RNASET2: variants seen among roughly 807,000 people sequenced by gnomAD.
The protein encoded by RNASET2 is ribonuclease 6.
RNASET2 carries 28 observed loss-of-function variants against 33.9 expected under a neutral mutation model. That is an observed-to-expected ratio of 0.83 (90% CI 0.61 to 1.13). The LOEUF (loss-of-function observed/expected upper bound fraction) is 1.13, where lower values mean the gene tolerates loss of function less well. RNASET2 is among the 50% of genes most tolerant of loss of function. The pLI is 0.00. For synonymous variants in RNASET2, 123 were observed against 121.0 expected, an observed-to-expected ratio of 1.02 and a Z score of -0.11; for missense variants, 330 against 319.9, an observed-to-expected ratio of 1.03 and a Z score of -0.24.
At position 166,924,528 on chromosome 6, in the gene RNASET2, GT is replaced by G. The variant is rs1405282018; in HGVS notation, c.*5059del. Among the ~76,000 whole-genome samples the G allele has an allele frequency of 6.6e-6, 1 of 152,232 alleles. No homozygotes were observed. The highest frequency in any genetic ancestry group is 2.4e-5 in the African/African-American group (1 of 41,458). ...TGGACAAAGTCCGGGCCTTTGTAGT[GT>G]GACGTGGCCATTAGGGCCCACAGAT... On this transcript the variant is annotated 3_prime_UTR_variant, in exon 9 of 9. Coordinates refer to ENST00000508775, the MANE Select transcript of RNASET2 (RefSeq NM_003730.6).
In RNASET2 at chr6:166,926,801, A is replaced by C. The variant is rs2128643053; in HGVS notation, c.*2787T>G. Reference sequence around the variant, plus strand: ...GCTTTTACCTATGGTGTCTTTTTCCACCATAAGTTCCACTCATCCCTGTGG... The same window carrying C: ...GCTTTTACCTATGGTGTCTTTTTCCCCCATAAGTTCCACTCATCCCTGTGG... On this transcript the variant is annotated 3_prime_UTR_variant, in exon 9 of 9. Coordinates refer to ENST00000508775, the MANE Select transcript of RNASET2 (RefSeq NM_003730.6). 6.6e-6 allele frequency among the ~76,000 whole-genome samples: 1 copy of C among 152,194 alleles called. No individual in the cohort carries two copies. The highest frequency in any genetic ancestry group is 1.9e-4 in the East Asian group (1 of 5,178).
In RNASET2 at chr6:166,927,830, G is replaced by A. The variant is rs1002644600; in HGVS notation, c.*1758C>T. The stretch of plus-strand genomic sequence containing the variant: ...ACGCAGAGCAAATGCAGGAAATCAC[G>A]CCCTTCCAGGTGCAAAACAAATCAG... On this transcript the variant is annotated 3_prime_UTR_variant, in exon 9 of 9. Transcript: ENST00000508775. Among the ~76,000 whole-genome samples, 3 of 150,360 alleles carry A rather than the reference G, an allele frequency of 2.0e-5. No homozygotes were observed. Among genetic ancestry groups the A allele is most frequent in the Admixed American group, 2.0e-4 (3 of 15,092 alleles).
chr6:166,952,063 G>C (rs1461369002), intron 2 of RNASET2, among the ~76,000 whole-genome samples: 1 of 152,232 alleles, frequency 6.6e-6, no homozygotes, highest in Admixed American at 6.5e-5. Context: ...GAGACAGAGA[G>C]ACACAAAGTG....
intron 8 of RNASET2, among the ~76,000 whole-genome samples, chr6:166,930,384 C>T (rs1475990212): frequency 6.6e-6 from 1 of 152,060 alleles, no homozygotes; most frequent in African/African-American, 2.4e-5. Context: ...CACACATACA[C>T]ACAGTACATG....
chr6:166,948,198 T>C (rs575114884), intron 3 of RNASET2, among the ~76,000 whole-genome samples: 2 of 152,000 alleles, frequency 1.3e-5, no homozygotes, highest in South Asian at 2.1e-4. Flanking sequence ...ATACAAAAAA[T>C]AGCCGGGTGT....
In RNASET2 at chr6:166,929,798, G is replaced by C. The variant is rs1244323618; in HGVS notation, c.568-7C>G. ...TTGTCTGTACTTCCTCATCCTAAAA[G>C]TAAACAATGAAAGACGCTTTAGAAT... is the stretch of plus-strand genomic sequence containing the variant. On this transcript the variant is annotated splice_polypyrimidine_tract_variant and splice_region_variant and intron_variant, in intron 8 of 8. Coordinates refer to ENST00000508775, the MANE Select transcript of RNASET2 (RefSeq NM_003730.6). The C allele has an allele frequency of 6.2e-7, 1 of 1,611,884 alleles. No homozygotes were observed. Among genetic ancestry groups the C allele is most frequent in the East Asian group, 2.2e-5 (1 of 44,894 alleles).
chr6:166,948,610 AGTC>A lies in RNASET2; in HGVS notation c.160_162del (p.Asp54del). 6.3e-7 allele frequency: 1 copy of A among 1,596,530 alleles called. No homozygotes were observed. The highest frequency in any genetic ancestry group is 8.6e-7 in the Non-Finnish European group (1 of 1,165,036). Reference sequence around the variant, plus strand: ...GTCCAGTAATCCGGAGGGTCTCTACAGTCGTTTTGAATTTTCTAGGGAGAAAAT... The same window carrying A: ...GTCCAGTAATCCGGAGGGTCTCTACAGTTTTGAATTTTCTAGGGAGAAAAT... On this transcript the variant is annotated inframe_deletion, in exon 3 of 9. Coordinates refer to ENST00000508775, the MANE Select transcript of RNASET2 (RefSeq NM_003730.6).
chr6:166,951,300 G>C (rs1268757063), intron 2 of RNASET2, among the ~76,000 whole-genome samples: 1 of 152,272 alleles, frequency 6.6e-6, no homozygotes, highest in Admixed American at 6.5e-5. Context: ...ACATGAAAGT[G>C]AAACAGCAGT....
At position 166,922,229 on chromosome 6, in the gene RNASET2, G is replaced by C. The variant is rs1778247029; in HGVS notation, c.*7359C>G. 6.6e-6 allele frequency among the ~76,000 whole-genome samples: 1 copy of C among 152,156 alleles called. No homozygotes were observed. On this transcript the variant is annotated 3_prime_UTR_variant, in exon 9 of 9. Coordinates refer to ENST00000508775, the MANE Select transcript of RNASET2 (RefSeq NM_003730.6). ...TGGGGACATTATTATAAATGTGAAA[G>C]AAGTATCTATAAATGTGATTATGGA...
At chr6:166,951,246 C>G (rs1333957840) in intron 2 of RNASET2, among the ~76,000 whole-genome samples, 1 of 152,248 alleles carries the variant, frequency 6.6e-6, no homozygotes, top group Non-Finnish European at 1.5e-5. Flanking sequence ...TTCACTAATT[C>G]TGCTACTGCT....
chr6:166,943,394 A>G (rs1476601763), intron 4 of RNASET2: 7 of 362,640 alleles, frequency 1.9e-5, no homozygotes, highest in Non-Finnish European at 2.7e-5. Flanking sequence ...GAGTCATGAA[A>G]AGACACTGGA....
chr6:166,955,119 A>G (rs1205664302), intron 1 of RNASET2, among the ~76,000 whole-genome samples: 1 of 152,216 alleles, frequency 6.6e-6, no homozygotes, highest in African/African-American at 2.4e-5. Context: ...CCACAGAATT[A>G]AAGTTGGAGT....
chr6:166,926,185 T>C lies in RNASET2; in HGVS notation c.*3403A>G, dbSNP rs28703007. ...TCCAGTTCACTTTGAGGTTTCTACC[T>C]GGAATAAGCGGATGGTGATGTCATT... On this transcript the variant is annotated 3_prime_UTR_variant, in exon 9 of 9. Coordinates refer to ENST00000508775, the MANE Select transcript of RNASET2 (RefSeq NM_003730.6). Among the ~76,000 whole-genome samples the C allele has an allele frequency of 6.6e-6, 1 of 152,094 alleles. No individual in the cohort carries two copies. The highest frequency in any genetic ancestry group is 2.4e-5 in the African/African-American group (1 of 41,416).
intron 2 of RNASET2, among the ~76,000 whole-genome samples, chr6:166,949,617 A>T (rs1285031349): frequency 6.6e-6 from 1 of 151,540 alleles, no homozygotes; most frequent in African/African-American, 2.4e-5. Context: ...AGTAGAACAG[A>T]AAGTCCTTAC....
chr6:166,955,225 A>ACG (rs1275965128), intron 1 of RNASET2, among the ~76,000 whole-genome samples: 6 of 48,612 alleles, frequency 1.2e-4, no homozygotes, highest in East Asian at 1.4e-3. Context: ...ACACACGCGC[A>ACG]CACACGCACG....
Position 166,929,659 on chromosome 6 carries a change from C to T in RNASET2, c.700G>A (p.Glu234Lys), listed in dbSNP as rs754474033. The T allele has an allele frequency of 8.7e-6, 14 of 1,614,134 alleles. No homozygotes were observed. Among genetic ancestry groups the T allele is most frequent in the South Asian group, 5.5e-5 (5 of 91,068 alleles). Residue 234 changes from glutamate to lysine, a missense_variant, in exon 9 of 9, where the codon GAG (glutamate) becomes AAG (lysine). Physicochemically the swap from Glu to Lys is moderately conservative, Grantham distance 56. Transcript: ENST00000508775. The part of the protein sequence containing the change: ...QEVWLANGAA[E>K]SRGLRVCEDG... ...TCACAGACTCTCAGACCCCGGCTCTCGGCGGCCCCATTTGCCAGCCAGACT... is the reference window on the plus strand; with the variant it reads ...TCACAGACTCTCAGACCCCGGCTCTTGGCGGCCCCATTTGCCAGCCAGACT...
chr6:166,942,425 C>T (rs1778714006), intron 5 of RNASET2, among the ~76,000 whole-genome samples: 1 of 152,128 alleles, frequency 6.6e-6, no homozygotes, highest in African/African-American at 2.4e-5. Context: ...CTGATATGGA[C>T]TAATTCTTAG....
intron 6 of RNASET2, chr6:166,935,122 G>A (rs1778534762): frequency 1.3e-5 from 2 of 151,974 alleles, no homozygotes; most frequent in Admixed American, 1.3e-4. Flanking sequence ...GCCGGACCAG[G>A]GTCCTTTCAG....
chr6:166,950,496 G>A lies in RNASET2; in HGVS notation c.148-1871C>T, dbSNP rs933306156. 3.4e-4 allele frequency among the ~76,000 whole-genome samples: 52 copies of A among 152,240 alleles called. 1 individual carries two copies. Among genetic ancestry groups the A allele is most frequent in the Non-Finnish European group, 2.6e-4 (18 of 68,046 alleles). On this transcript the variant is annotated intron_variant, in intron 2 of 8. Transcript: ENST00000508775. ...GAAAAATCAGTGAGGAAGTAGAAGCGAAAGTCACTACCACTCAGTGCTAGA... is the reference window on the plus strand; with the variant it reads ...GAAAAATCAGTGAGGAAGTAGAAGCAAAAGTCACTACCACTCAGTGCTAGA...
Sources: allele counts gnomAD v4.1 joint callset (sites outside exome capture counted in the v4.1 genomes callset), GRCh38; gene constraint gnomAD v4.1.1; transcripts MANE v1.5; gene names NCBI Gene and HGNC (gene_info 2026-07-23, HGNC 2026-07-21).